The following APOO variants were observed in gnomAD, a reference collection of about 807,000 sequenced individuals.
APOO encodes the protein MICOS complex subunit MIC26.
In APOO, 11 loss-of-function variants were observed where a neutral mutation model predicts 23.1. That is an observed-to-expected ratio of 0.48 (90% CI 0.30 to 0.79). The LOEUF (loss-of-function observed/expected upper bound fraction) is 0.79. APOO is among the 30% of genes least tolerant of loss of function. The probability of loss-of-function intolerance (pLI) is 0.07; values close to 1 mark genes in which losing one functional copy is unlikely to be tolerated. For missense variants in APOO, 160 were observed against 142.7 expected (o/e 1.12, Z -0.62); for synonymous variants, 59 against 54.8 (o/e 1.08, Z -0.34).
At chrX:23,872,187 G>A (rs941700141) in intron 4 of APOO, among the ~76,000 whole-genome samples, 1 of 111,458 alleles carries the variant, frequency 9.0e-6, no homozygotes, top group Admixed American at 9.7e-5. Flanking sequence ...GGGGAAAGAA[G>A]ATATGTTTTA....
chrX:23,861,324 T>A (rs909093078), intron 5 of APOO, among the ~76,000 whole-genome samples: 5 of 109,656 alleles, frequency 4.6e-5, no homozygotes, highest in African/African-American at 1.7e-4. Context: ...CCCCACCTCT[T>A]TCTCTTGCTC....
In APOO at chrX:23,858,689, A is replaced by T. The variant is rs778237433; in HGVS notation, c.433T>A (p.Leu145Ile). The T allele has an allele frequency of 7.4e-6, 9 of 1,211,697 alleles. No individual in the cohort carries two copies. The highest frequency in any genetic ancestry group is 1.0e-5 in the Non-Finnish European group (9 of 895,468). Residue 145 changes from leucine (L) to isoleucine (I), a missense_variant, in exon 6 of 9, where the codon TTA becomes ATA. Coordinates refer to ENST00000379226, the MANE Select transcript of APOO (RefSeq NM_024122.5). ...KLVYPPGFMG[L>I]AASLYYPQQA... The stretch of plus-strand genomic sequence containing the variant: ...TGTGGATAATAGAGGGAGGCAGCTA[A>T]TCCCATGAAACCAGGCGGATACACT...
At chrX:23,868,733 T>C (rs775648875) in intron 4 of APOO, 45 bp from the exon 5 acceptor site, 1 of 1,073,437 alleles carries the variant, frequency 9.3e-7, no homozygotes, top group South Asian at 2.0e-5. Context: ...AATTTCTCAT[T>C]AAAAAACAAA....
chrX:23,846,189 T>C (rs1924223107), intron 7 of APOO, among the ~76,000 whole-genome samples: 1 of 107,308 alleles, frequency 9.3e-6, no homozygotes, highest in Admixed American at 1.0e-4. Flanking sequence ...TGAATGACTG[T>C]AATCCCAGCT....
chrX:23,878,853 C>A, intron 3 of APOO, 62 bp downstream of exon 3: 3 of 1,154,277 alleles, frequency 2.6e-6, no homozygotes, highest in Non-Finnish European at 3.5e-6. Context: ...GCAGCCAATA[C>A]AGACTTTCCT....
chrX:23,884,580 G>A (rs1226739690), intron 1 of APOO, among the ~76,000 whole-genome samples: 1 of 111,652 alleles, frequency 9.0e-6, no homozygotes, highest in Non-Finnish European at 1.9e-5. Flanking sequence ...AATTTTTGTG[G>A]AATCTAAAAA....
At position 23,833,785 on chromosome X, in the gene APOO, C is replaced by A. The variant is rs751192455; in HGVS notation, c.*30-173G>T. 1.1e-4 allele frequency among the ~76,000 whole-genome samples: 12 copies of A among 110,887 alleles called. No homozygotes were observed. The East Asian group carries it at 2.8e-3, about 26-fold the overall frequency. ...TCACCTGAGGTCAGAAGTTCGAGAC[C>A]AGCCTGCCCAACATGGTGAAACCCC... On this transcript the variant is annotated intron_variant, in intron 8 of 8. Transcript: ENST00000379226.
chrX:23,873,034 G>A (rs905437438), intron 4 of APOO, among the ~76,000 whole-genome samples: 5 of 110,536 alleles, frequency 4.5e-5, no homozygotes, highest in Non-Finnish European at 5.7e-5. Context: ...CTGGGCAACA[G>A]AGTGAGAATC....
chrX:23,862,718 G>A (rs928528222), intron 5 of APOO, among the ~76,000 whole-genome samples: 4 of 104,154 alleles, frequency 3.8e-5, no homozygotes, highest in African/African-American at 1.4e-4. Context: ...AGACTGCAGT[G>A]AGCCCTGATC....
At chrX:23,880,592 G>T (rs922742539) in intron 2 of APOO, among the ~76,000 whole-genome samples, 3 of 109,905 alleles carry the variant, frequency 2.7e-5, no homozygotes, top group African/African-American at 6.6e-5. Flanking sequence ...CCAGCTACTT[G>T]GGAGGCTGAG....
chrX:23,890,912 C>G (rs1029931003), intron 1 of APOO, among the ~76,000 whole-genome samples: 1 of 111,968 alleles, frequency 8.9e-6, no homozygotes, highest in African/African-American at 3.2e-5. Context: ...AATTTTATCT[C>G]CTCCTCCCTT....
At chrX:23,885,775 G>A (rs988450484) in intron 1 of APOO, among the ~76,000 whole-genome samples, 2 of 110,662 alleles carry the variant, frequency 1.8e-5, no homozygotes, top group Non-Finnish European at 3.8e-5. Flanking sequence ...CCATTCCACA[G>A]CAAGAACTGT....
chrX:23,855,098 C>T (rs1291494910), intron 7 of APOO, among the ~76,000 whole-genome samples: 1 of 100,425 alleles, frequency 1.0e-5, no homozygotes, highest in Non-Finnish European at 2.0e-5. Flanking sequence ...AGTGCAGTGG[C>T]GCAATCATGG....
chrX:23,893,735 A>AT (rs775923625), intron 1 of APOO, among the ~76,000 whole-genome samples: 2 of 109,218 alleles, frequency 1.8e-5, no homozygotes, highest in Non-Finnish European at 3.8e-5. Flanking sequence ...CGCCCAGCTA[A>AT]TTTTTTTTGT....
intron 1 of APOO, among the ~76,000 whole-genome samples, chrX:23,896,805 T>C (rs1219614071): frequency 1.4e-4 from 1 of 7,098 alleles, no homozygotes; most frequent in African/African-American, 4.4e-4. Context: ...CACTCAGCTA[T>C]TTTTTTTTTT....
intron 7 of APOO, among the ~76,000 whole-genome samples, chrX:23,847,389 G>A (rs1406409700): frequency 1.8e-5 from 2 of 111,107 alleles, no homozygotes; most frequent in Non-Finnish European, 3.8e-5. Context: ...CACTTTGGGA[G>A]GCCGAGGCGG....
At chrX:23,884,320 T>G (rs1433695717) in intron 1 of APOO, among the ~76,000 whole-genome samples, 3 of 110,397 alleles carry the variant, frequency 2.7e-5, no homozygotes, top group Non-Finnish European at 3.8e-5. Context: ...AAGGAAAGAT[T>G]GCACAGGAGA....
intron 7 of APOO, among the ~76,000 whole-genome samples, chrX:23,849,226 C>A (rs1009878499): frequency 9.2e-6 from 1 of 109,251 alleles, no homozygotes; most frequent in African/African-American, 3.3e-5. Flanking sequence ...GTGTGAGCCA[C>A]TGCGCCCGGC....
At chrX:23,890,786 T>C (rs1926619917) in intron 1 of APOO, among the ~76,000 whole-genome samples, 1 of 111,923 alleles carries the variant, frequency 8.9e-6, no homozygotes, top group Non-Finnish European at 1.9e-5. Context: ...TGTTAATTTT[T>C]GACTTAATGA....
Sources: allele counts gnomAD v4.1 joint callset (sites outside exome capture counted in the v4.1 genomes callset), GRCh38; gene constraint gnomAD v4.1.1; transcripts MANE v1.5; gene names NCBI Gene and HGNC (gene_info 2026-07-23, HGNC 2026-07-21).